The following DFFB variants were observed in gnomAD, a reference collection of about 807,000 sequenced individuals.
DFFB encodes the protein DNA fragmentation factor subunit beta, also known as DNA fragmentation factor 40 kDa subunit.
A neutral mutation model predicts 32.7 loss-of-function variants in DFFB; 29 were observed. That is an observed-to-expected ratio of 0.89 (90% CI 0.66 to 1.21). DFFB has a LOEUF of 1.21. Among genes scored for constraint, DFFB ranks in the 50% most tolerant of loss-of-function variants. DFFB has a pLI of 0.00. For missense variants in DFFB, 398 were observed against 440.6 expected (o/e 0.90, Z 0.87); for synonymous variants, 170 against 177.1 (o/e 0.96, Z 0.32).
chr1:3,858,239 G>C (rs1231200708), intron 1 of DFFB, among the ~76,000 whole-genome samples: 2 of 152,132 alleles, frequency 1.3e-5, no homozygotes, highest in African/African-American at 4.8e-5. Context: ...GCCTAAAACT[G>C]ACCAGTGCAG....
At position 3,885,067 on chromosome 1, in the gene DFFB, G is replaced by C. The variant is rs1478317403; in HGVS notation, c.*1326G>C. ...AGGCTTTTATGAGGAAAGCGTTTCT[G>C]TGTAGAAACTGGAAGCTGTTCAGGG... On this transcript the variant is annotated 3_prime_UTR_variant, in exon 7 of 7. Coordinates refer to ENST00000378209, the MANE Select transcript of DFFB (RefSeq NM_004402.4). 6.6e-6 allele frequency: 1 copy of C among 152,206 alleles called. No individual in the cohort carries two copies. Among genetic ancestry groups the C allele is most frequent in the Non-Finnish European group, 1.5e-5 (1 of 68,040 alleles). 9.4% of individuals were successfully genotyped at this position (152,206 alleles called of 1,614,324 possible).
rs562974620 is a variant in DFFB, at chr1:3,867,419, C to T, written c.431-555C>T. On this transcript the variant is annotated intron_variant, in intron 3 of 6. Coordinates refer to ENST00000378209, the MANE Select transcript of DFFB (RefSeq NM_004402.4). Reference sequence around the variant, plus strand: ...CCTGGCCTTGTAAGCCCATCAGAGGCGATGCTGAGAGATTGTAGCCTTTTT... The same window carrying T: ...CCTGGCCTTGTAAGCCCATCAGAGGTGATGCTGAGAGATTGTAGCCTTTTT... Among the ~76,000 whole-genome samples, 33 of 152,298 alleles carry T rather than the reference C, an allele frequency of 2.2e-4. No individual in the cohort carries two copies. The South Asian group carries it at 2.7e-3, about 12-fold the overall frequency.
At chr1:3,861,575 G>A (rs1430011571) in intron 2 of DFFB, among the ~76,000 whole-genome samples, 1 of 152,140 alleles carries the variant, frequency 6.6e-6, no homozygotes, top group African/African-American at 2.4e-5. Flanking sequence ...CTACAGGGGT[G>A]CACCACCATG....
chr1:3,861,916 G>T (rs959005539), intron 2 of DFFB, among the ~76,000 whole-genome samples: 3 of 152,214 alleles, frequency 2.0e-5, no homozygotes, highest in African/African-American at 7.2e-5. Flanking sequence ...AAAGCATCCA[G>T]ATTGGAAAGG....
In DFFB at chr1:3,883,520, C is replaced by T. The variant is rs533214101; in HGVS notation, c.796C>T (p.Arg266Cys). Residue 266 changes from arginine (R) to cysteine (C), a missense_variant, in exon 7 of 7, where the codon CGC (arginine) becomes TGC (cysteine). Transcript: ENST00000378209. ...CTTACTTTGCAGAATAGAAAAGAAA[C>T]GCACCATCATTCCTACACTGGTGGA... is the stretch of plus-strand genomic sequence containing the variant. ...WNLDHIIEKK[R>C]TIIPTLVEAI... The T allele has an allele frequency of 7.2e-5, 116 of 1,613,878 alleles. No homozygotes were observed. The highest frequency in any genetic ancestry group is 1.4e-4 in the South Asian group (13 of 91,078).
Position 3,869,552 on chromosome 1 carries a change from C to T in DFFB, c.511-53C>T, listed in dbSNP as rs551585071. 2.5e-5 allele frequency: 39 copies of T among 1,549,766 alleles called. No homozygotes were observed. The East Asian group carries it at 3.0e-4, about 12-fold the overall frequency. On this transcript the variant is annotated intron_variant, in intron 4 of 6. Coordinates refer to ENST00000378209, the MANE Select transcript of DFFB (RefSeq NM_004402.4). ...GAGTGAGATGGATCGAGAGCCAGTGCGGGTTTTGGGGCGCTGTGCACCAGG... is the reference window on the plus strand; with the variant it reads ...GAGTGAGATGGATCGAGAGCCAGTGTGGGTTTTGGGGCGCTGTGCACCAGG...
chr1:3,872,216 C>T (rs963783362), intron 5 of DFFB, among the ~76,000 whole-genome samples: 2 of 152,158 alleles, frequency 1.3e-5, no homozygotes, highest in African/African-American at 4.8e-5. Flanking sequence ...AGATCGAGAC[C>T]ATCCTGGCCA....
chr1:3,869,525 T>G, intron 4 of DFFB, 80 bp from the exon 5 acceptor site: 1 of 1,425,188 alleles, frequency 7.0e-7, no homozygotes, highest in Non-Finnish European at 9.6e-7. Flanking sequence ...CAGAGGGCCA[T>G]GGAGTGAGAT....
At chr1:3,879,241 T>C (rs2124766600) in intron 6 of DFFB, among the ~76,000 whole-genome samples, 1 of 152,296 alleles carries the variant, frequency 6.6e-6, no homozygotes, top group African/African-American at 2.4e-5. Flanking sequence ...TGCTTCTGCG[T>C]TGATGAGGTG....
chr1:3,884,072 C>T lies in DFFB; in HGVS notation c.*331C>T, dbSNP rs920723656. 1.6e-4 allele frequency: 48 copies of T among 292,680 alleles called. No homozygotes were observed. Among genetic ancestry groups the T allele is most frequent in the Non-Finnish European group, 2.2e-4 (33 of 151,590 alleles). 18.1% of individuals were successfully genotyped at this position (292,680 alleles called of 1,614,324 possible). A position where few individuals can be genotyped will look rare whatever the true frequency, so the allele number is the denominator to read the frequency against. ...CTAATGTTTGTATTTTTAGTAGAGA[C>T]GGGGTTTCACCATGTTGGTCAGGCT... is the stretch of plus-strand genomic sequence containing the variant. On this transcript the variant is annotated 3_prime_UTR_variant, in exon 7 of 7. Transcript: ENST00000378209.
At chr1:3,858,695 T>C in intron 1 of DFFB, 23 bp from the exon 2 acceptor site, 1 of 1,611,484 alleles carries the variant, frequency 6.2e-7, no homozygotes, top group South Asian at 1.1e-5. Flanking sequence ...TTCCTCCTCC[T>C]GTTGCTTCTC....
chr1:3,863,022 G>A lies in DFFB; in HGVS notation c.242-2790G>A, dbSNP rs866349906. On this transcript the variant is annotated intron_variant, in intron 2 of 6. Transcript: ENST00000378209. The stretch of plus-strand genomic sequence containing the variant: ...AAATTAGCCGGGCGTGGTGGCAGGC[G>A]CCTGTAATTCCAGCTACTCAGGAGG... Among the ~76,000 whole-genome samples the A allele has an allele frequency of 4.6e-5, 7 of 152,256 alleles. No homozygotes were observed. The East Asian group carries it at 5.8e-4, about 13-fold the overall frequency.
rs146641354 is a variant in DFFB at position 3,866,636 on chromosome 1, G to C, written c.430+636G>C. On this transcript the variant is annotated intron_variant, in intron 3 of 6. Transcript: ENST00000378209. Reference sequence around the variant, plus strand: ...GCACAGGTCATCGGCATTAGGTACAGTCACATTGTATGCGGCCATCCCCAC... The same window carrying C: ...GCACAGGTCATCGGCATTAGGTACACTCACATTGTATGCGGCCATCCCCAC... Among the ~76,000 whole-genome samples the C allele has an allele frequency of 3.0e-3, 450 of 152,262 alleles. 1 individual carries two copies. The highest frequency in any genetic ancestry group is 5.0e-3 in the Non-Finnish European group (337 of 68,014).
In DFFB at chr1:3,857,596, C is replaced by T. The variant is rs1287086193; in HGVS notation, c.-8C>T. 2.5e-6 allele frequency: 4 copies of T among 1,574,050 alleles called. No individual in the cohort carries two copies. The highest frequency in any genetic ancestry group is 3.4e-6 in the Non-Finnish European group (4 of 1,160,784). ...CTGTGGGACCCAGAGGGCTTGAGGACATCTGCAATGCTCCAGAAGCCCAAG... is the reference window on the plus strand; with the variant it reads ...CTGTGGGACCCAGAGGGCTTGAGGATATCTGCAATGCTCCAGAAGCCCAAG... On this transcript the variant is annotated 5_prime_UTR_variant, in exon 1 of 7. Transcript: ENST00000378209.
rs193100429 is a variant in DFFB at position 3,870,352 on chromosome 1, G to A, written c.681+577G>A. Among the ~76,000 whole-genome samples, 9 of 152,352 alleles carry A rather than the reference G, an allele frequency of 5.9e-5. No homozygotes were observed. The East Asian group carries it at 1.5e-3, about 26-fold the overall frequency. On this transcript the variant is annotated intron_variant, in intron 5 of 6. Coordinates refer to ENST00000378209, the MANE Select transcript of DFFB (RefSeq NM_004402.4). ...CACTGATGCCCGTGATCTTCCGAGT[G>A]CCACTCAGTGGGTCCAGCAGCAGGG...
intron 6 of DFFB, among the ~76,000 whole-genome samples, chr1:3,879,723 AT>A (rs1429174758): frequency 1.3e-5 from 2 of 152,048 alleles, no homozygotes; most frequent in Non-Finnish European, 2.9e-5. Flanking sequence ...ACACTCCTGT[AT>A]TGTTCAGGAA....
At chr1:3,864,258 C>T (rs1253371297) in intron 2 of DFFB, among the ~76,000 whole-genome samples, 2 of 152,126 alleles carry the variant, frequency 1.3e-5, no homozygotes, top group Non-Finnish European at 2.9e-5. Context: ...AGCCACCGCG[C>T]CCGGCCTCTG....
intron 5 of DFFB, 30 bp downstream of exon 5, chr1:3,869,805 AC>A (rs780830672): frequency 2.2e-5 from 34 of 1,564,932 alleles, no homozygotes; most frequent in Non-Finnish European, 2.8e-5. Context: ...TCCTGGGGCC[AC>A]CCGGCTGGCC....
chr1:3,866,066 G>A, intron 3 of DFFB, 66 bp downstream of exon 3: 1 of 1,381,400 alleles, frequency 7.2e-7, no homozygotes, highest in African/African-American at 1.5e-5. Flanking sequence ...GAAGAAGTTG[G>A]ATTCCAAAAA....
Sources: gnomAD v4.1 joint callset for allele counts (sites outside exome capture counted in the v4.1 genomes callset) on GRCh38, gnomAD v4.1.1 for gene constraint, MANE v1.5 for transcripts, NCBI Gene and HGNC (gene_info 2026-07-23, HGNC 2026-07-21) for gene names.